The following SPTSSA variants were observed in gnomAD, a reference collection of about 807,000 sequenced individuals.
SPTSSA encodes small subunit of serine palmitoyltransferase A.
In SPTSSA, 8 loss-of-function variants were observed where a neutral mutation model predicts 9.1. The ratio of observed to expected loss-of-function variants is 0.88; its 90% CI spans 0.51 to 1.58. SPTSSA has a LOEUF of 1.58. Among genes scored for constraint, SPTSSA ranks in the 40% most tolerant of loss-of-function variants. The probability of loss-of-function intolerance (pLI) is 0.00; values close to 1 mark genes in which losing one functional copy is unlikely to be tolerated. For synonymous variants in SPTSSA, 42 were observed against 37.7 expected, an observed-to-expected ratio of 1.11 and a Z score of -0.41; for missense variants, 100 against 93.8, an observed-to-expected ratio of 1.07 and a Z score of -0.27.
intron 1 of SPTSSA, among the ~76,000 whole-genome samples, chr14:34,454,422 T>C (rs80104722): frequency 0.034 from 5,190 of 152,330 alleles, 311 homozygotes; most frequent in African/African-American, 0.12. Flanking sequence ...ACCATTTAGT[T>C]CTTGTTAAGC....
chr14:34,447,716 C>T (rs114822666), intron 1 of SPTSSA, among the ~76,000 whole-genome samples: 1,899 of 152,218 alleles, frequency 0.012, 44 homozygotes, highest in African/African-American at 0.043. Context: ...CAAACCAAAA[C>T]GGGGTTGTTT....
chr14:34,439,304 A>G (rs999159673), intron 1 of SPTSSA, among the ~76,000 whole-genome samples: 2 of 152,114 alleles, frequency 1.3e-5, no homozygotes, highest in Admixed American at 1.3e-4. Flanking sequence ...GGTCATTAGC[A>G]GCCAACACTC....
chr14:34,455,282 G>C (rs1046953758), intron 1 of SPTSSA, among the ~76,000 whole-genome samples: 5 of 152,016 alleles, frequency 3.3e-5, no homozygotes, highest in African/African-American at 1.2e-4. Context: ...AGCTACTGGG[G>C]AGGCTGATGC....
chr14:34,451,450 G>A (rs545383866), intron 1 of SPTSSA, among the ~76,000 whole-genome samples: 4 of 152,238 alleles, frequency 2.6e-5, no homozygotes, highest in South Asian at 2.1e-4. Flanking sequence ...TAGGCTGGGC[G>A]CGGTAGCTCA....
chr14:34,450,532 T>G (rs1883500779), intron 1 of SPTSSA, among the ~76,000 whole-genome samples: 1 of 152,256 alleles, frequency 6.6e-6, no homozygotes, highest in Non-Finnish European at 1.5e-5. Context: ...GTTGTTTGCA[T>G]AAGTGCCAGT....
intron 1 of SPTSSA, among the ~76,000 whole-genome samples, chr14:34,436,910 G>T (rs1272691306): frequency 2.0e-5 from 3 of 150,176 alleles, no homozygotes; most frequent in Non-Finnish European, 3.0e-5. Context: ...TCCTTAAACT[G>T]CCGCCTTCTA....
chr14:34,441,654 G>A (rs1005423938), intron 1 of SPTSSA, among the ~76,000 whole-genome samples: 2 of 151,588 alleles, frequency 1.3e-5, no homozygotes, highest in East Asian at 1.9e-4. Flanking sequence ...CTCCATACAG[G>A]GGACTCTCTC....
Position 34,462,185 on chromosome 14 carries a change from C to A in SPTSSA, c.23G>T (p.Arg8Leu), listed in dbSNP as rs781749657. MAGMALA[R>L]AWKQMSWFYY... ...GAACCAGGACATCTGCTTCCAGGCC[C>A]GCGCCAGCGCCATCCCCGCCATGCG... Residue 8 changes from arginine to leucine, a missense_variant, in exon 1 of 2, where the codon CGG becomes CTG. Arg to Leu is a moderately radical substitution (Grantham distance 102, BLOSUM62 -2). Coordinates refer to ENST00000298130, the MANE Select transcript of SPTSSA (RefSeq NM_138288.4). The A allele has an allele frequency of 6.5e-7, 1 of 1,532,432 alleles. No homozygotes were observed. The highest frequency in any genetic ancestry group is 1.4e-5 in the African/African-American group (1 of 69,478). The allele number at this position is 1,532,432 out of a possible 1,614,324, so 94.9% of individuals were successfully genotyped here. A position where few individuals can be genotyped will look rare whatever the true frequency, so the allele number is the denominator to read the frequency against.
intron 1 of SPTSSA, among the ~76,000 whole-genome samples, chr14:34,451,980 A>G (rs1293639765): frequency 6.6e-6 from 1 of 151,956 alleles, no homozygotes; most frequent in East Asian, 1.9e-4. Flanking sequence ...GCAGATCATC[A>G]CCAACAGAAA....
intron 1 of SPTSSA, among the ~76,000 whole-genome samples, chr14:34,437,941 C>A (rs2138816724): frequency 6.6e-6 from 1 of 152,242 alleles, no homozygotes; most frequent in South Asian, 2.1e-4. Flanking sequence ...GCTGGGACAA[C>A]AAACACGCAC....
chr14:34,456,948 AATTATTATT>A (rs201859323), intron 1 of SPTSSA, among the ~76,000 whole-genome samples: 1 of 146,196 alleles, frequency 6.8e-6, no homozygotes, highest in African/African-American at 2.5e-5. Flanking sequence ...TTCTGATTCA[AATTATTATT>A]ATTATTATTA....
intron 1 of SPTSSA, among the ~76,000 whole-genome samples, chr14:34,437,533 A>G (rs1883258859): frequency 6.6e-6 from 1 of 152,198 alleles, no homozygotes; most frequent in Non-Finnish European, 1.5e-5. Flanking sequence ...ACAATGCCCT[A>G]CATCAAAACT....
rs190297686 is a variant in SPTSSA, at chr14:34,434,259, G to A, written c.*942C>T. ...AAAACCTTAAAAAAAACAATACAAA[G>A]AGTGAAAGGATTTTAACCAAGTTTA... On this transcript the variant is annotated 3_prime_UTR_variant, in exon 2 of 2. Coordinates refer to ENST00000298130, the MANE Select transcript of SPTSSA (RefSeq NM_138288.4). 67 of 152,284 alleles carry A rather than the reference G, an allele frequency of 4.4e-4. No individual in the cohort carries two copies. Among genetic ancestry groups the A allele is most frequent in the African/African-American group, 1.5e-3 (64 of 41,398 alleles). 9.4% of individuals were successfully genotyped at this position (152,284 alleles called of 1,614,324 possible). A position where few individuals can be genotyped will look rare whatever the true frequency, so the allele number is the denominator to read the frequency against.
At chr14:34,444,522 C>T (rs1315106015) in intron 1 of SPTSSA, among the ~76,000 whole-genome samples, 1 of 151,786 alleles carries the variant, frequency 6.6e-6, no homozygotes, top group Admixed American at 6.6e-5. Context: ...GGGAGGCCGA[C>T]GTGGGTGGAT....
At chr14:34,443,199 GT>G (rs1429654827) in intron 1 of SPTSSA, among the ~76,000 whole-genome samples, 4 of 11,684 alleles carry the variant, frequency 3.4e-4, no homozygotes, top group Admixed American at 1.2e-3. Context: ...CCTCTAGGGG[GT>G]GTGTGTGTGT....
intron 1 of SPTSSA, among the ~76,000 whole-genome samples, chr14:34,458,990 C>T (rs865816905): frequency 6.9e-6 from 1 of 144,486 alleles, no homozygotes; most frequent in Non-Finnish European, 1.5e-5. Context: ...CTGCAACCTC[C>T]GCCTCCCGGG....
At chr14:34,435,336 T>C in intron 1 of SPTSSA, 32 bp from the exon 2 acceptor site, 1 of 1,505,870 alleles carries the variant, frequency 6.6e-7, no homozygotes, top group Non-Finnish European at 9.2e-7. Flanking sequence ...TTATTATTAT[T>C]AATTTATTCA....
chr14:34,456,120 G>A (rs183592640), intron 1 of SPTSSA, among the ~76,000 whole-genome samples: 1,535 of 151,152 alleles, frequency 0.01, 10 homozygotes, highest in Non-Finnish European at 0.016. Context: ...TCAGGAGATC[G>A]AGACCATCCG....
chr14:34,442,645 T>C (rs146280526), intron 1 of SPTSSA, among the ~76,000 whole-genome samples: 131 of 152,318 alleles, frequency 8.6e-4, no homozygotes, highest in African/African-American at 3.0e-3. Flanking sequence ...GAGTTTACTG[T>C]TGAATGGGAA....
Sources: allele counts gnomAD v4.1 joint callset (sites outside exome capture counted in the v4.1 genomes callset), GRCh38; gene constraint gnomAD v4.1.1; transcripts MANE v1.5; gene names NCBI Gene and HGNC (gene_info 2026-07-23, HGNC 2026-07-21).